The following RABEP1 variants were observed in gnomAD, a reference collection of about 807,000 sequenced individuals.
RABEP1 encodes the protein rab GTPase-binding effector protein 1.
Under a neutral mutation model 123.4 loss-of-function variants are expected in RABEP1, and 51 were observed. The observed-to-expected ratio is 0.41, with a 90% CI of 0.33 to 0.52. The LOEUF is 0.52. Among genes scored for constraint, RABEP1 ranks in the 20% least tolerant of loss-of-function variants. The pLI, the probability that RABEP1 is intolerant of heterozygous loss-of-function variation, is 0.16. For synonymous variants in RABEP1, 347 were observed against 355.2 expected, an observed-to-expected ratio of 0.98 and a Z score of 0.26; for missense variants, 888 against 996.3, an observed-to-expected ratio of 0.89 and a Z score of 1.46.
chr17:5,382,858 T>G (rs1911596049), intron 17 of RABEP1, among the ~76,000 whole-genome samples: 1 of 151,188 alleles, frequency 6.6e-6, no homozygotes, highest in Non-Finnish European at 1.5e-5. Context: ...AGGTGGAGAC[T>G]ACAGTGAGCC....
chr17:5,303,826 A>G (rs2075156579), intron 1 of RABEP1, among the ~76,000 whole-genome samples: 2 of 152,068 alleles, frequency 1.3e-5, no homozygotes, highest in South Asian at 2.1e-4. Flanking sequence ...TGAGGTCAGG[A>G]GTTTGAGACC....
At chr17:5,346,486 T>C (rs1449807627) in intron 5 of RABEP1, among the ~76,000 whole-genome samples, 1 of 152,186 alleles carries the variant, frequency 6.6e-6, no homozygotes, top group Non-Finnish European at 1.5e-5. Flanking sequence ...AACAGATACA[T>C]GCATATGTTG....
rs756761330 is a variant in RABEP1, at chr17:5,365,285, A to G, written c.1785+47A>G. On this transcript the variant is annotated intron_variant, in intron 11 of 17. Transcript: ENST00000537505. ...GTGGCCCATGAGGGATGACTGGGTT[A>G]TTTAAATGAAAGATTCAAAAAATAT... The G allele has an allele frequency of 5.6e-6, 7 of 1,242,246 alleles. No homozygotes were observed. In the African/African-American group the frequency reaches 1.1e-4, roughly 19 times the overall value. The allele number at this position is 1,242,246 out of a possible 1,614,324, so 77.0% of individuals were successfully genotyped here. A position where few individuals can be genotyped will look rare whatever the true frequency, so the allele number is the denominator to read the frequency against.
intron 2 of RABEP1, among the ~76,000 whole-genome samples, chr17:5,311,798 T>TA (rs1292278813): frequency 2.0e-5 from 3 of 152,114 alleles, no homozygotes; most frequent in Non-Finnish European, 4.4e-5. Context: ...ATTAAATCGT[T>TA]AATCTCTGGA....
At chr17:5,353,392 T>C (rs575984308) in intron 7 of RABEP1, among the ~76,000 whole-genome samples, 1 of 152,312 alleles carries the variant, frequency 6.6e-6, no homozygotes, top group East Asian at 1.9e-4. Flanking sequence ...TACATACTTG[T>C]ATTGTAATTG....
chr17:5,337,985 A>G (rs1907248101), intron 4 of RABEP1, 34 bp from the exon 5 acceptor site: 2 of 1,570,602 alleles, frequency 1.3e-6, no homozygotes, highest in Non-Finnish European at 1.7e-6. Context: ...CAGTAAATGA[A>G]TAAGTCGTAG....
chr17:5,383,549 C>G lies in RABEP1; in HGVS notation c.*326C>G. 2.8e-6 allele frequency: 1 copy of G among 355,874 alleles called. No individual in the cohort carries two copies. Among genetic ancestry groups the G allele is most frequent in the South Asian group, 4.2e-5 (1 of 24,030 alleles). 22.0% of individuals were successfully genotyped at this position (355,874 alleles called of 1,614,324 possible). A position where few individuals can be genotyped will look rare whatever the true frequency, so the allele number is the denominator to read the frequency against. On this transcript the variant is annotated 3_prime_UTR_variant, in exon 18 of 18. Coordinates refer to ENST00000537505, the MANE Select transcript of RABEP1 (RefSeq NM_004703.6). ...AGATTTTCGGAACACATTTCCCTAC[C>G]CTAAAGCGACATCCCAGTAGTGTTT...
intron 13 of RABEP1, among the ~76,000 whole-genome samples, chr17:5,374,760 T>C (rs2144718556): frequency 6.6e-6 from 1 of 152,286 alleles, no homozygotes; most frequent in East Asian, 1.9e-4. Flanking sequence ...CTGCCTCAGC[T>C]TCCTGAGTAC....
At chr17:5,283,741 A>G (rs1386868437) in intron 1 of RABEP1, 1 of 152,080 alleles carries the variant, frequency 6.6e-6, no homozygotes, top group Non-Finnish European at 1.5e-5. Flanking sequence ...ATGTTATCAG[A>G]TTTTAAGGTT....
chr17:5,378,511 C>T (rs960424843), intron 15 of RABEP1: 7 of 501,740 alleles, frequency 1.4e-5, no homozygotes, highest in Non-Finnish European at 2.2e-5. Flanking sequence ...ATGGTCATAA[C>T]ATGTTATATG....
rs2075116137 is a variant in RABEP1, at chr17:5,299,718, TC to T, written c.35-8975del. Among the ~76,000 whole-genome samples the T allele has an allele frequency of 9.7e-5, 11 of 113,984 alleles. No homozygotes were observed. The South Asian group carries it at 1.4e-3, about 15-fold the overall frequency. The allele number at this position is 113,984 out of a possible 152,430, so 74.8% of individuals were successfully genotyped here. ...CTCATTTCTTTTTCTTTTTTTCTTT[TC>T]TTTTTCTTTTTCTTTTTTTTTTTTT... On this transcript the variant is annotated intron_variant, in intron 1 of 17. Transcript: ENST00000537505.
At chr17:5,337,815 G>T (rs2144615380) in intron 4 of RABEP1, among the ~76,000 whole-genome samples, 1 of 152,242 alleles carries the variant, frequency 6.6e-6, no homozygotes, top group Non-Finnish European at 1.5e-5. Context: ...ATTCTAAATG[G>T]AATATTTGGG....
At chr17:5,373,757 C>A (rs1048107036) in intron 13 of RABEP1, among the ~76,000 whole-genome samples, 16 of 148,436 alleles carry the variant, frequency 1.1e-4, no homozygotes, top group African/African-American at 3.7e-4. Flanking sequence ...ACACTTCGCC[C>A]TTTAGCTACC....
chr17:5,302,599 T>A (rs1723124958), intron 1 of RABEP1, among the ~76,000 whole-genome samples: 1 of 148,996 alleles, frequency 6.7e-6, no homozygotes, highest in Non-Finnish European at 1.5e-5. Context: ...GACTTTTTTT[T>A]TTTTTTTTTT....
chr17:5,381,912 A>G (rs1490329778), intron 17 of RABEP1, among the ~76,000 whole-genome samples: 1 of 151,494 alleles, frequency 6.6e-6, no homozygotes, highest in Non-Finnish European at 1.5e-5. Context: ...CTTTCTTTCA[A>G]GGCTCAGCGT....
At chr17:5,301,170 C>G (rs1031590570) in intron 1 of RABEP1, among the ~76,000 whole-genome samples, 11 of 152,176 alleles carry the variant, frequency 7.2e-5, no homozygotes, top group Admixed American at 6.5e-4. Flanking sequence ...GCTGCTTGGA[C>G]TGATACCATT....
intron 1 of RABEP1, among the ~76,000 whole-genome samples, chr17:5,306,299 G>C (rs1202416892): frequency 6.6e-6 from 1 of 152,090 alleles, no homozygotes; most frequent in Non-Finnish European, 1.5e-5. Context: ...TTGAAGGCTG[G>C]CATTATGGTA....
chr17:5,350,671 G>A, intron 7 of RABEP1, 42 bp downstream of exon 7: 3 of 1,595,862 alleles, frequency 1.9e-6, no homozygotes, highest in South Asian at 2.2e-5. Context: ...TGTCAGTAAT[G>A]TCCCCCACCA....
intron 5 of RABEP1, among the ~76,000 whole-genome samples, chr17:5,343,894 T>C (rs1907842196): frequency 6.6e-6 from 1 of 151,970 alleles, no homozygotes; most frequent in Admixed American, 6.6e-5. Context: ...CAGGCTGGTC[T>C]CGAACCCCTG....
Sources: gnomAD v4.1 joint callset for allele counts (sites outside exome capture counted in the v4.1 genomes callset) on GRCh38, gnomAD v4.1.1 for gene constraint, MANE v1.5 for transcripts, NCBI Gene and HGNC (gene_info 2026-07-23, HGNC 2026-07-21) for gene names.